MDGA2: variants seen among roughly 807,000 people sequenced by gnomAD.
MDGA2 encodes the protein MAM domain-containing glycosylphosphatidylinositol anchor protein 2.
Under a neutral mutation model 117.8 loss-of-function variants are expected in MDGA2, and 40 were observed. The ratio of observed to expected loss-of-function variants is 0.34; its 90% CI spans 0.26 to 0.44. The LOEUF is 0.44. Ranked by LOEUF, MDGA2 falls within the 20% of genes least tolerant of loss-of-function variation. The pLI, the probability that MDGA2 is intolerant of heterozygous loss-of-function variation, is 1.00. For synonymous variants in MDGA2, 452 were observed against 439.0 expected, an observed-to-expected ratio of 1.03 and a Z score of -0.37; for missense variants, 1,123 against 1,250.6, an observed-to-expected ratio of 0.90 and a Z score of 1.54.
At chr14:47,186,836 G>A (rs1033299529) in intron 3 of MDGA2, among the ~76,000 whole-genome samples, 1 of 151,708 alleles carries the variant, frequency 6.6e-6, no homozygotes. Context: ...GCATTTCTTC[G>A]ATTTTCTAGG....
At chr14:47,095,743 T>C (rs1879930000) in intron 6 of MDGA2, among the ~76,000 whole-genome samples, 1 of 152,002 alleles carries the variant, frequency 6.6e-6, no homozygotes, top group African/African-American at 2.4e-5. Context: ...TTGAATAGAG[T>C]ATACTTTTGT....
At chr14:47,215,274 T>C (rs553706780) in intron 3 of MDGA2, among the ~76,000 whole-genome samples, 2 of 152,236 alleles carry the variant, frequency 1.3e-5, no homozygotes, top group East Asian at 3.9e-4. Flanking sequence ...TTTATATAAA[T>C]GAATATCTAT....
chr14:47,627,881 C>T (rs1431788944), intron 1 of MDGA2, among the ~76,000 whole-genome samples: 1 of 152,174 alleles, frequency 6.6e-6, no homozygotes, highest in African/African-American at 2.4e-5. Context: ...AGACCACGAA[C>T]CCACCAGAAG....
intron 6 of MDGA2, among the ~76,000 whole-genome samples, chr14:47,088,577 A>G (rs1000040421): frequency 6.6e-6 from 1 of 152,184 alleles, no homozygotes; most frequent in Non-Finnish European, 1.5e-5. Context: ...GAAATTCACC[A>G]CTAATTTATA....
chr14:47,649,098 T>C (rs1420680902), intron 1 of MDGA2, among the ~76,000 whole-genome samples: 2 of 152,192 alleles, frequency 1.3e-5, no homozygotes, highest in Non-Finnish European at 2.9e-5. Context: ...GTATACTCAT[T>C]AAATGTTTTA....
intron 8 of MDGA2, among the ~76,000 whole-genome samples, chr14:47,015,802 G>T (rs551480691): frequency 4.6e-5 from 7 of 151,992 alleles, no homozygotes; most frequent in Non-Finnish European, 1.0e-4. Context: ...GTCTGAGAAA[G>T]ATACTGATAA....
intron 1 of MDGA2, among the ~76,000 whole-genome samples, chr14:47,389,873 A>C (rs966692278): frequency 6.6e-6 from 1 of 152,188 alleles, no homozygotes; most frequent in Non-Finnish European, 1.5e-5. Context: ...CATAGAGCCA[A>C]AGGACTTTAA....
chr14:46,847,923 G>A (rs1024590463), intron 15 of MDGA2, among the ~76,000 whole-genome samples: 5 of 152,002 alleles, frequency 3.3e-5, no homozygotes, highest in Non-Finnish European at 5.9e-5. Context: ...TTAAGTCTTG[G>A]GGTATATTTT....
intron 4 of MDGA2, among the ~76,000 whole-genome samples, chr14:47,133,971 T>C (rs1003656808): frequency 2.0e-5 from 3 of 152,114 alleles, no homozygotes; most frequent in East Asian, 1.9e-4. Context: ...TTAACCAATA[T>C]TTTTTTCAGC....
At chr14:47,360,314 G>T (rs1331192356) in intron 1 of MDGA2, among the ~76,000 whole-genome samples, 1 of 151,114 alleles carries the variant, frequency 6.6e-6, no homozygotes, top group Non-Finnish European at 1.5e-5. Flanking sequence ...TCGTGCCATT[G>T]CACTCCAGCC....
chr14:47,345,488 T>C (rs34021479), intron 1 of MDGA2, among the ~76,000 whole-genome samples: 41,493 of 151,806 alleles, frequency 0.27, 5,896 homozygotes, highest in African/African-American at 0.33. Flanking sequence ...AAGAAAAAAA[T>C]GAACTCAAAG....
chr14:47,147,611 T>C (rs1882995345), intron 3 of MDGA2, among the ~76,000 whole-genome samples: 3 of 152,216 alleles, frequency 2.0e-5, no homozygotes. Context: ...AGAGCAATTT[T>C]ACCTGATAGC....
chr14:47,484,050 A>G (rs1894007885), intron 1 of MDGA2, among the ~76,000 whole-genome samples: 1 of 152,222 alleles, frequency 6.6e-6, no homozygotes, highest in South Asian at 2.1e-4. Flanking sequence ...TTAGTAAAAC[A>G]TATTCAAGGG....
intron 2 of MDGA2, among the ~76,000 whole-genome samples, chr14:47,236,088 C>G (rs994059242): frequency 2.0e-5 from 3 of 151,858 alleles, no homozygotes; most frequent in Admixed American, 1.3e-4. Context: ...GTCAGGAGAT[C>G]GAGACCATTT....
intron 6 of MDGA2, among the ~76,000 whole-genome samples, chr14:47,086,327 C>A (rs1890899450): frequency 6.6e-6 from 1 of 151,766 alleles, no homozygotes; most frequent in South Asian, 2.1e-4. Flanking sequence ...AGAAAAGGAA[C>A]AATTAAAGAA....
intron 1 of MDGA2, among the ~76,000 whole-genome samples, chr14:47,326,524 T>TA (rs1240199767): frequency 5.3e-5 from 8 of 152,116 alleles, no homozygotes; most frequent in Non-Finnish European, 7.4e-5. Context: ...CTGATCTAGT[T>TA]AAAGTTACTT....
intron 5 of MDGA2, among the ~76,000 whole-genome samples, chr14:47,099,061 T>A (rs1221063519): frequency 6.6e-6 from 1 of 151,968 alleles, no homozygotes. Flanking sequence ...AACACAGTAT[T>A]GCTCAAGTTA....
chr14:46,991,275 C>A (rs1358418365), intron 8 of MDGA2, among the ~76,000 whole-genome samples: 1 of 151,998 alleles, frequency 6.6e-6, no homozygotes, highest in Non-Finnish European at 1.5e-5. Context: ...TTATTTAAAT[C>A]TTTTATAGAA....
chr14:47,246,029 A>G (rs569236744), intron 2 of MDGA2, among the ~76,000 whole-genome samples: 1 of 151,980 alleles, frequency 6.6e-6, no homozygotes, highest in South Asian at 2.1e-4. Context: ...GCTGAGCTTC[A>G]CAGATAGATT....
Sources: gnomAD v4.1 joint callset for allele counts (sites outside exome capture counted in the v4.1 genomes callset) on GRCh38, gnomAD v4.1.1 for gene constraint, MANE v1.5 for transcripts, NCBI Gene and HGNC (gene_info 2026-07-23, HGNC 2026-07-21) for gene names.